The following FSTL5 variants were observed in gnomAD, a reference collection of about 807,000 sequenced individuals.
FSTL5 encodes the protein follistatin like 5.
In FSTL5, 62 loss-of-function variants were observed where a neutral mutation model predicts 89.1. The ratio of observed to expected loss-of-function variants is 0.70; its 90% CI spans 0.57 to 0.86. FSTL5 has a LOEUF of 0.86. FSTL5 is among the 40% of genes least tolerant of loss of function. The probability of loss-of-function intolerance (pLI) is 0.00; values close to 1 mark genes in which losing one functional copy is unlikely to be tolerated. For missense variants in FSTL5, 1,057 were observed against 1,001.6 expected (o/e 1.06, Z -0.75); for synonymous variants, 383 against 346.2 (o/e 1.11, Z -1.18).
At chr4:161,637,638 G>T (rs1397364943) in intron 7 of FSTL5, among the ~76,000 whole-genome samples, 2 of 116,468 alleles carry the variant, frequency 1.7e-5, no homozygotes, top group Non-Finnish European at 3.5e-5. Context: ...ATTGATTTTT[G>T]TATAAGGTGT....
At chr4:161,970,220 G>A (rs1258777844) in intron 3 of FSTL5, among the ~76,000 whole-genome samples, 1 of 152,122 alleles carries the variant, frequency 6.6e-6, no homozygotes, top group Non-Finnish European at 1.5e-5. Flanking sequence ...GATCATTTAA[G>A]TAGGAATGAA....
chr4:161,687,623 C>A (rs553053487), intron 6 of FSTL5, among the ~76,000 whole-genome samples: 1 of 152,068 alleles, frequency 6.6e-6, no homozygotes, highest in African/African-American at 2.4e-5. Context: ...GCTGGAAGGT[C>A]TAGGAAAGCC....
intron 7 of FSTL5, among the ~76,000 whole-genome samples, chr4:161,630,695 T>C (rs1735473006): frequency 6.6e-6 from 1 of 152,186 alleles, no homozygotes. Context: ...GTTTACTCAA[T>C]TGCCTCAAAG....
intron 4 of FSTL5, among the ~76,000 whole-genome samples, chr4:161,908,991 CT>C (rs1733616876): frequency 1.3e-5 from 2 of 152,078 alleles, no homozygotes; most frequent in African/African-American, 4.8e-5. Context: ...AAATGGAAAA[CT>C]CATTGAAATT....
intron 8 of FSTL5, among the ~76,000 whole-genome samples, chr4:161,574,762 G>T (rs899829583): frequency 1.5e-4 from 23 of 152,154 alleles, no homozygotes; most frequent in African/African-American, 5.5e-4. Flanking sequence ...TGGGCATTTG[G>T]GTTGGTTGAA....
chr4:161,554,597 T>C lies in FSTL5; in HGVS notation c.1016-11904A>G, dbSNP rs147877236. Among the ~76,000 whole-genome samples the C allele has an allele frequency of 4.9e-3, 741 of 151,712 alleles. 7 individuals are homozygous for C. Among genetic ancestry groups the C allele is most frequent in the African/African-American group, 0.017 (710 of 41,490 alleles). On this transcript the variant is annotated intron_variant, in intron 8 of 15. Transcript: ENST00000306100. ...ACTTCATTCTAACTGAAAACAAAAATGAATTTAAGGTGAATCGTCAGGTCA... is the reference window on the plus strand; with the variant it reads ...ACTTCATTCTAACTGAAAACAAAAACGAATTTAAGGTGAATCGTCAGGTCA...
At chr4:162,077,265 C>T (rs879682207) in intron 2 of FSTL5, among the ~76,000 whole-genome samples, 21 of 151,774 alleles carry the variant, frequency 1.4e-4, no homozygotes, top group Non-Finnish European at 2.7e-4. Context: ...TTATAATGAG[C>T]CCACTCCTAC....
At chr4:161,503,736 C>T (rs899479571) in intron 11 of FSTL5, among the ~76,000 whole-genome samples, 1 of 151,866 alleles carries the variant, frequency 6.6e-6, no homozygotes, top group African/African-American at 2.4e-5. Flanking sequence ...TCAGATGGTA[C>T]TCACTTCCTG....
chr4:161,600,367 G>C (rs941427985), intron 7 of FSTL5, among the ~76,000 whole-genome samples: 2 of 152,050 alleles, frequency 1.3e-5, no homozygotes, highest in African/African-American at 4.8e-5. Context: ...GTAATGAAGA[G>C]AAGCCTACAG....
chr4:162,005,963 G>C (rs1034444066), intron 3 of FSTL5, among the ~76,000 whole-genome samples: 5 of 151,876 alleles, frequency 3.3e-5, no homozygotes, highest in African/African-American at 1.2e-4. Flanking sequence ...TTATGTTTTG[G>C]TCTCAAATTG....
intron 6 of FSTL5, among the ~76,000 whole-genome samples, chr4:161,720,227 TA>T (rs1739146833): frequency 6.8e-6 from 1 of 146,504 alleles, no homozygotes; most frequent in Non-Finnish European, 1.5e-5. Context: ...AAAATCCAAT[TA>T]AAAGACATAC....
intron 6 of FSTL5, among the ~76,000 whole-genome samples, chr4:161,659,147 A>ATAT: frequency 6.6e-6 from 1 of 152,302 alleles, no homozygotes; most frequent in East Asian, 1.9e-4. Context: ...TTCACTAGGA[A>ATAT]TATTAACATG....
chr4:162,039,756 T>G (rs1737876751), intron 2 of FSTL5, among the ~76,000 whole-genome samples: 1 of 151,996 alleles, frequency 6.6e-6, no homozygotes, highest in Admixed American at 6.6e-5. Flanking sequence ...AAGCCCAAAA[T>G]AAATCAATAA....
At chr4:161,456,679 T>C (rs1052691291) in intron 14 of FSTL5, among the ~76,000 whole-genome samples, 12 of 152,228 alleles carry the variant, frequency 7.9e-5, no homozygotes, top group African/African-American at 2.9e-4. Flanking sequence ...TGTTTCCTGA[T>C]AATCTTTTGG....
intron 3 of FSTL5, among the ~76,000 whole-genome samples, chr4:161,985,371 G>A (rs879923422): frequency 1.2e-4 from 18 of 152,048 alleles, no homozygotes; most frequent in Admixed American, 2.6e-4. Context: ...TCACATAGTT[G>A]TATATGAAGT....
intron 8 of FSTL5, among the ~76,000 whole-genome samples, chr4:161,552,863 G>A (rs1310756195): frequency 2.0e-5 from 3 of 151,622 alleles, no homozygotes; most frequent in African/African-American, 7.3e-5. Flanking sequence ...AATGAGGACT[G>A]ATGGCAGCCT....
chr4:162,040,514 A>G (rs1311494037), intron 2 of FSTL5, among the ~76,000 whole-genome samples: 5 of 152,054 alleles, frequency 3.3e-5, no homozygotes, highest in Admixed American at 3.3e-4. Flanking sequence ...GGTGGCAATT[A>G]AATTATAAAA....
intron 10 of FSTL5, among the ~76,000 whole-genome samples, chr4:161,512,216 G>A (rs560095869): frequency 7.2e-5 from 11 of 152,102 alleles, no homozygotes; most frequent in African/African-American, 1.4e-4. Context: ...AAATAACAAC[G>A]CATGTGTTTC....
At chr4:161,669,543 A>T (rs901070577) in intron 6 of FSTL5, among the ~76,000 whole-genome samples, 3 of 152,182 alleles carry the variant, frequency 2.0e-5, no homozygotes, top group African/African-American at 4.8e-5. Context: ...CAAGGTAGAA[A>T]AGTAAAATTT....
Sources: gnomAD v4.1 joint callset for allele counts (sites outside exome capture counted in the v4.1 genomes callset) on GRCh38, gnomAD v4.1.1 for gene constraint, MANE v1.5 for transcripts, NCBI Gene and HGNC (gene_info 2026-07-23, HGNC 2026-07-21) for gene names.